The following SLC35F4 variants were observed in gnomAD, a reference collection of about 807,000 sequenced individuals.
SLC35F4 encodes the protein solute carrier family 35 member F4, also known as chromosome 14 open reading frame 36.
In SLC35F4, 24 loss-of-function variants were observed where a neutral mutation model predicts 44.2. That is an observed-to-expected ratio of 0.54 (90% CI 0.39 to 0.76). The LOEUF is 0.76. Ranked by LOEUF, SLC35F4 falls within the 30% of genes least tolerant of loss-of-function variation. The probability of loss-of-function intolerance (pLI) is 0.00; values close to 1 mark genes in which losing one functional copy is unlikely to be tolerated. For missense variants in SLC35F4, 562 were observed against 586.1 expected (o/e 0.96, Z 0.42); for synonymous variants, 238 against 223.6 (o/e 1.06, Z -0.57).
chr14:57,718,720 C>A (rs780561539), intron 1 of SLC35F4, among the ~76,000 whole-genome samples: 4 of 152,050 alleles, frequency 2.6e-5, no homozygotes, highest in Non-Finnish European at 4.4e-5. Flanking sequence ...GTTGTTTGAG[C>A]TCCTTATATA....
chr14:57,745,234 G>C, intron 1 of SLC35F4, among the ~76,000 whole-genome samples: 1 of 152,164 alleles, frequency 6.6e-6, no homozygotes, highest in Non-Finnish European at 1.5e-5. Context: ...TTGACAAATG[G>C]GATCTAATGA....
At chr14:57,612,863 GA>G (rs11308190) in intron 1 of SLC35F4, among the ~76,000 whole-genome samples, 24,827 of 152,178 alleles carry the variant, frequency 0.16, 2,077 homozygotes, top group Middle Eastern at 0.21. Context: ...CTCCATGAAA[GA>G]ATGTTGGGCA....
At chr14:57,872,668 C>A (rs548957213) in intron 1 of SLC35F4, among the ~76,000 whole-genome samples, 1 of 152,154 alleles carries the variant, frequency 6.6e-6, no homozygotes, top group Non-Finnish European at 1.5e-5. Flanking sequence ...ACTGGGCAAA[C>A]CTGTGACAAT....
chr14:57,887,145 C>T (rs1888667720), intron 1 of SLC35F4, among the ~76,000 whole-genome samples: 1 of 152,188 alleles, frequency 6.6e-6, no homozygotes, highest in Admixed American at 6.5e-5. Flanking sequence ...GGGACTAGCA[C>T]TGTAGAGCAG....
intron 1 of SLC35F4, among the ~76,000 whole-genome samples, chr14:57,954,721 C>A (rs774892346): frequency 6.6e-6 from 1 of 151,836 alleles, no homozygotes; most frequent in African/African-American, 2.4e-5. Flanking sequence ...CAAGACTAAA[C>A]CAGGATGAAG....
At chr14:57,779,208 T>A (rs1043923968) in intron 1 of SLC35F4, among the ~76,000 whole-genome samples, 1 of 152,032 alleles carries the variant, frequency 6.6e-6, no homozygotes, top group Non-Finnish European at 1.5e-5. Flanking sequence ...GTTGGTTTTT[T>A]GAAAAAATTC....
At chr14:57,735,455 A>G (rs1258269992) in intron 1 of SLC35F4, among the ~76,000 whole-genome samples, 1 of 152,152 alleles carries the variant, frequency 6.6e-6, no homozygotes, top group African/African-American at 2.4e-5. Context: ...TGGCAGGGCC[A>G]GAAGGTTCCA....
chr14:57,937,617 A>AAAG (rs1170503854), intron 1 of SLC35F4, among the ~76,000 whole-genome samples: 1 of 110,172 alleles, frequency 9.1e-6, no homozygotes, highest in Non-Finnish European at 1.9e-5. Context: ...AAAGAAAAGA[A>AAAG]AAGAAAAGAA....
intron 1 of SLC35F4, among the ~76,000 whole-genome samples, chr14:57,938,153 C>G (rs777560408): frequency 4.6e-5 from 7 of 152,028 alleles, no homozygotes; most frequent in Admixed American, 2.0e-4. Context: ...ATAATAGTTA[C>G]AGTTTAGAGA....
intron 1 of SLC35F4, among the ~76,000 whole-genome samples, chr14:57,676,161 A>C (rs1180522465): frequency 6.6e-6 from 1 of 152,090 alleles, no homozygotes; most frequent in Non-Finnish European, 1.5e-5. Context: ...GGTTGATTCC[A>C]TGTCTTTGCT....
chr14:57,742,991 G>T (rs886714572), intron 1 of SLC35F4, among the ~76,000 whole-genome samples: 1 of 152,166 alleles, frequency 6.6e-6, no homozygotes, highest in Non-Finnish European at 1.5e-5. Flanking sequence ...GTAACAAAAT[G>T]AAGGCAGAAA....
At chr14:57,656,851 T>C (rs1480069715) in intron 1 of SLC35F4, among the ~76,000 whole-genome samples, 1 of 152,166 alleles carries the variant, frequency 6.6e-6, no homozygotes, top group African/African-American at 2.4e-5. Context: ...GAATTTTTCC[T>C]CCCCCATCTG....
intron 1 of SLC35F4, among the ~76,000 whole-genome samples, chr14:57,669,762 T>A (rs1432387903): frequency 6.6e-6 from 1 of 152,106 alleles, no homozygotes; most frequent in East Asian, 1.9e-4. Flanking sequence ...TTTGCATCAA[T>A]GTTCACCAGG....
At chr14:57,847,288 A>G (rs970116092) in intron 1 of SLC35F4, among the ~76,000 whole-genome samples, 4 of 152,160 alleles carry the variant, frequency 2.6e-5, no homozygotes, top group Non-Finnish European at 5.9e-5. Flanking sequence ...TTTAACTGGT[A>G]TGGAATGCAA....
intron 1 of SLC35F4, among the ~76,000 whole-genome samples, chr14:57,787,271 C>T (rs567208169): frequency 2.8e-4 from 42 of 152,184 alleles, no homozygotes; most frequent in Admixed American, 3.9e-4. Context: ...TTATGTTAAA[C>T]GACCAAACCT....
intron 1 of SLC35F4, among the ~76,000 whole-genome samples, chr14:57,731,437 T>C (rs958402946): frequency 6.6e-6 from 1 of 152,240 alleles, no homozygotes; most frequent in African/African-American, 2.4e-5. Context: ...GGGAGGGTCA[T>C]CCAGACACCT....
At chr14:57,900,843 T>TA (rs1442475900) in intron 1 of SLC35F4, among the ~76,000 whole-genome samples, 1 of 151,718 alleles carries the variant, frequency 6.6e-6, no homozygotes, top group Non-Finnish European at 1.5e-5. Flanking sequence ...AAAAACCCAT[T>TA]AAAAAATGCA....
At chr14:57,953,856 TAGAC>T (rs752416361) in intron 1 of SLC35F4, among the ~76,000 whole-genome samples, 3 of 152,134 alleles carry the variant, frequency 2.0e-5, no homozygotes, top group Non-Finnish European at 4.4e-5. Flanking sequence ...CTGTCAATAT[TAGAC>T]AGATCAATGA....
intron 1 of SLC35F4, among the ~76,000 whole-genome samples, chr14:57,960,175 C>A (rs1890313031): frequency 6.6e-6 from 1 of 152,224 alleles, no homozygotes; most frequent in Admixed American, 6.5e-5. Flanking sequence ...ATTCTCTTTT[C>A]TCTCTGAGGA....
Sources: allele counts gnomAD v4.1 joint callset (sites outside exome capture counted in the v4.1 genomes callset), GRCh38; gene constraint gnomAD v4.1.1; transcripts MANE v1.5; gene names NCBI Gene and HGNC (gene_info 2026-07-23, HGNC 2026-07-21).